RNF213: variants seen among roughly 807,000 people sequenced by gnomAD.
RNF213 encodes ring finger protein 213.
Under a neutral mutation model 514.4 loss-of-function variants are expected in RNF213, and 341 were observed. The observed-to-expected ratio is 0.66, with a 90% CI of 0.61 to 0.73. RNF213 has a LOEUF of 0.73. Among genes scored for constraint, RNF213 ranks in the 30% least tolerant of loss-of-function variants. The pLI is 0.00. For synonymous variants in RNF213, 2,655 were observed against 2,658.2 expected (o/e 1.00, Z 0.04); for missense variants, 5,767 against 6,615.6 (o/e 0.87, Z 4.45).
Position 80,337,963 on chromosome 17 carries a change from A to G in RNF213, c.4799A>G (p.Asp1600Gly). ...NKLMLMSGKK[D>G]RNNTEVERFS... ...TTGATGCTGATGTCTGGCAAGAAGGATCGTAACAACACGGAAGTGGAGAGG... is the reference window on the plus strand; with the variant it reads ...TTGATGCTGATGTCTGGCAAGAAGGGTCGTAACAACACGGAAGTGGAGAGG... Residue 1600 changes from aspartate to glycine, a missense_variant, in exon 25 of 68, where the codon GAT becomes GGT. Asp to Gly is a moderately conservative substitution (Grantham distance 94). This residue lies in a region of RNF213 where 1,377 missense variants were observed against 1,635.2 expected (regional missense o/e 0.84). Transcript: ENST00000582970. 1 of 1,537,338 alleles carries G rather than the reference A, an allele frequency of 6.5e-7. No homozygotes were observed. The highest frequency in any genetic ancestry group is 8.7e-7 in the Non-Finnish European group (1 of 1,146,934).
In RNF213 at chr17:80,347,349, A is replaced by G; in HGVS notation, c.9014A>G (p.Glu3005Gly). 6.2e-7 allele frequency: 1 copy of G among 1,613,964 alleles called. No individual in the cohort carries two copies. The change falls in exon 29 of 68, where the codon GAG becomes GGG. Residue 3005 changes from glutamate (E) to glycine (G), a missense_variant. Glu to Gly is a moderately conservative substitution (Grantham distance 98). This residue lies in a region of RNF213 where 919 missense variants were observed against 1,121.0 expected (regional missense o/e 0.82). Coordinates refer to ENST00000582970, the MANE Select transcript of RNF213 (RefSeq NM_001256071.3). The surrounding 1 kb of genome is among the most constrained non-coding windows in gnomAD (Gnocchi z 7.2). ...ALDIFLANLP[E>G]AKCSEEVSPM... ...GACATCTTTCTGGCCAATTTGCCCGAGGCCAAGTGCTCAGAGGAAGTCAGC... is the reference window on the plus strand; with the variant it reads ...GACATCTTTCTGGCCAATTTGCCCGGGGCCAAGTGCTCAGAGGAAGTCAGC...
chr17:80,357,242 G>A (rs958355161), intron 36 of RNF213, among the ~76,000 whole-genome samples: 1 of 152,000 alleles, frequency 6.6e-6, no homozygotes, highest in Non-Finnish European at 1.5e-5. Context: ...CTTTACACAA[G>A]AATTTTGAAA....
intron 17 of RNF213, 197 bp downstream of exon 17, chr17:80,319,509 C>T: frequency 6.2e-7 from 1 of 1,613,672 alleles, no homozygotes; most frequent in Non-Finnish European, 8.5e-7. Context: ...GTGTGCTGCA[C>T]AGTCCCTGCT....
chr17:80,267,303 T>G (rs1350700217), intron 2 of RNF213, among the ~76,000 whole-genome samples: 1 of 151,656 alleles, frequency 6.6e-6, no homozygotes, highest in East Asian at 1.9e-4. Context: ...TAGCTAGGCA[T>G]GGTGGCGTGT....
chr17:80,296,962 A>T (rs2044974739), intron 10 of RNF213, among the ~76,000 whole-genome samples: 1 of 151,452 alleles, frequency 6.6e-6, no homozygotes, highest in South Asian at 2.1e-4. Context: ...TATAGACATG[A>T]GCCACTGTGC....
chr17:80,316,619 C>T (rs538847958), intron 15 of RNF213: 39 of 184,146 alleles, frequency 2.1e-4, no homozygotes, highest in Non-Finnish European at 5.8e-5. Context: ...CCACGTTGCA[C>T]GTCCTGAGTG....
intron 11 of RNF213, among the ~76,000 whole-genome samples, chr17:80,302,721 A>C (rs968584263): frequency 1.3e-5 from 2 of 152,134 alleles, no homozygotes; most frequent in Non-Finnish European, 2.9e-5. Context: ...ATAGTTAGGC[A>C]TGGTGGGGTG....
chr17:80,323,837 G>GGT (rs1044141950), intron 17 of RNF213, among the ~76,000 whole-genome samples: 2 of 139,634 alleles, frequency 1.4e-5, no homozygotes, highest in Non-Finnish European at 3.2e-5. Flanking sequence ...TTTTTTTTGG[G>GGT]GGGGGGTGCT....
rs775367784 is a variant in RNF213 at position 80,294,978 on chromosome 17, C to T, written c.1730C>T (p.Thr577Ile). 6.2e-7 allele frequency: 1 copy of T among 1,614,164 alleles called. No individual in the cohort carries two copies. The highest frequency in any genetic ancestry group is 2.2e-5 in the East Asian group (1 of 44,884). The change falls in exon 9 of 68, where the codon ACC becomes ATC. Residue 577 changes from threonine to isoleucine, a missense_variant. Physicochemically the swap from Thr to Ile is moderately conservative, Grantham distance 89. Coordinates refer to ENST00000582970, the MANE Select transcript of RNF213 (RefSeq NM_001256071.3). ...TATGAAGGACAGGCACAGCTGTGGA[C>T]CGATTTGCAGTACAGGGAGAAAGAG... Reference protein sequence around the residue: ...MIYEGQAQLWTDLQYREKEVK... With the variant: ...MIYEGQAQLWIDLQYREKEVK...
At chr17:80,350,243 T>G in intron 30 of RNF213, 58 bp from the exon 31 acceptor site, 1 of 1,098,794 alleles carries the variant, frequency 9.1e-7, no homozygotes, top group Non-Finnish European at 1.4e-6. Context: ...TTGGGGAATT[T>G]TCTTTTCCAT....
In RNF213 at chr17:80,345,845, G is replaced by T; in HGVS notation, c.7510G>T (p.Asp2504Tyr). Residue 2504 changes from aspartate (D) to tyrosine (Y), a missense_variant, in exon 29 of 68, where the codon GAT (aspartate) becomes TAT (tyrosine). Transcript: ENST00000582970. The surrounding 1 kb of genome is among the most constrained non-coding windows in gnomAD (Gnocchi z 6.0). ...AISCIKEVLC[D>Y]HMVDGQPLAE... ...AAGCTGTATCAAAGAAGTCCTGTGT[G>T]ATCATATGGTGGATGGCCAGCCTCT... is the stretch of plus-strand genomic sequence containing the variant. 1.2e-6 allele frequency: 2 copies of T among 1,614,120 alleles called. No individual in the cohort carries two copies. The highest frequency in any genetic ancestry group is 1.7e-6 in the Non-Finnish European group (2 of 1,180,048).
chr17:80,299,223 C>T (rs532656756), intron 11 of RNF213, among the ~76,000 whole-genome samples: 35 of 87,340 alleles, frequency 4.0e-4, no homozygotes, highest in African/African-American at 1.9e-3. Flanking sequence ...TATGTCTTAG[C>T]GTTCCAGCCA....
intron 21 of RNF213, among the ~76,000 whole-genome samples, chr17:80,333,248 G>T (rs1283055444): frequency 5.4e-5 from 8 of 149,308 alleles, no homozygotes; most frequent in Non-Finnish European, 1.0e-4. Flanking sequence ...TTTTAGCAGA[G>T]ACAGGGTTTC....
At position 80,290,227 on chromosome 17, in the gene RNF213, A is replaced by G. The variant is rs2044642312; in HGVS notation, c.1113-343A>G. ...ATGGGGGGTGGTGTGTCACACGTGG[A>G]CGTGCTTGCATGTTTGCTAGGGTGT... On this transcript the variant is annotated intron_variant, in intron 6 of 67. Transcript: ENST00000582970. 3.3e-5 allele frequency among the ~76,000 whole-genome samples: 5 copies of G among 152,212 alleles called. No individual in the cohort carries two copies. In the South Asian group the frequency reaches 1.0e-3, roughly 32 times the overall value.
chr17:80,261,906 A>G (rs1164160435), intron 1 of RNF213, among the ~76,000 whole-genome samples: 2 of 152,226 alleles, frequency 1.3e-5, no homozygotes, highest in South Asian at 2.1e-4. Flanking sequence ...AACTCCACCT[A>G]CTTGGGAGAC....
At position 80,363,594 on chromosome 17, in the gene RNF213, T is replaced by C; in HGVS notation, c.11569-15T>C. On this transcript the variant is annotated splice_polypyrimidine_tract_variant and intron_variant, in intron 40 of 67. Coordinates refer to ENST00000582970, the MANE Select transcript of RNF213 (RefSeq NM_001256071.3). ...GGGGCACCGCTCAGCCACGCCCTGC[T>C]GTCCGTCTCCCCAGACCCTGGACGC... is the stretch of plus-strand genomic sequence containing the variant. 6.2e-7 allele frequency: 1 copy of C among 1,612,894 alleles called. No individual in the cohort carries two copies. The highest frequency in any genetic ancestry group is 8.5e-7 in the Non-Finnish European group (1 of 1,180,002).
At position 80,347,441 on chromosome 17, in the gene RNF213, G is replaced by A; in HGVS notation, c.9106G>A (p.Asp3036Asn). The change falls in exon 29 of 68, where the codon GAT (aspartate) becomes AAT (asparagine). Residue 3036 changes from aspartate to asparagine, a missense_variant. By Grantham distance (23) the Asp-to-Asn change is conservative. Coordinates refer to ENST00000582970, the MANE Select transcript of RNF213 (RefSeq NM_001256071.3). This position sits in a 1 kb window ranked among gnomAD's most constrained non-coding sequence, Gnocchi z 7.2. The stretch of plus-strand genomic sequence containing the variant: ...GAAGGTGCCGGGTGGAGAGCAGGAA[G>A]ATGCTGAGTCCCGCTACTTACTCGT... ...SQKVPGGEQE[D>N]AESRYLLVLT... is the part of the protein sequence containing the mutation. 6.2e-7 allele frequency: 1 copy of A among 1,614,066 alleles called. No homozygotes were observed. The highest frequency in any genetic ancestry group is 8.5e-7 in the Non-Finnish European group (1 of 1,180,042).
chr17:80,375,367 T>G (rs1463306830), intron 50 of RNF213, among the ~76,000 whole-genome samples: 1 of 152,184 alleles, frequency 6.6e-6, no homozygotes, highest in East Asian at 1.9e-4. Context: ...GTGAAAAGTT[T>G]CTTTTCACAT....
Position 80,376,917 on chromosome 17 carries a change from G to GCTCCGA in RNF213, c.13464_13465insCTCCGA (p.Leu4488_Ala4489insLeuArg). ...TTCCAACCATGCCTGAAGACTTGCT[G>GCTCCGA]GCTCAAGCTCGGAGGTGGAAGGGTC... On this transcript the variant is annotated inframe_insertion, in exon 53 of 68. Coordinates refer to ENST00000582970, the MANE Select transcript of RNF213 (RefSeq NM_001256071.3). 2 of 1,614,124 alleles carry GCTCCGA rather than the reference G, an allele frequency of 1.2e-6. No individual in the cohort carries two copies. Among genetic ancestry groups the GCTCCGA allele is most frequent in the Non-Finnish European group, 1.7e-6 (2 of 1,180,036 alleles).
Sources: gnomAD v4.1 joint callset for allele counts (sites outside exome capture counted in the v4.1 genomes callset) on GRCh38, gnomAD v4.1.1 for gene constraint, gnomAD v4.1.1 regional missense constraint, Gnocchi (gnomAD v3.1) non-coding constraint, MANE v1.5 for transcripts, NCBI Gene and HGNC (gene_info 2026-07-23, HGNC 2026-07-21) for gene names.